LPAR1: variants seen among roughly 807,000 people sequenced by gnomAD.
LPAR1 encodes the protein lysophosphatidic acid receptor 1.
In LPAR1, 5 loss-of-function variants were observed where a neutral mutation model predicts 23.8. The ratio of observed to expected loss-of-function variants is 0.21; its 90% CI spans 0.11 to 0.44. The LOEUF (loss-of-function observed/expected upper bound fraction) is 0.44, where lower values mean the gene tolerates loss of function less well. Among genes scored for constraint, LPAR1 ranks in the 20% least tolerant of loss-of-function variants. LPAR1 has a pLI of 0.99. For missense variants in LPAR1, 311 were observed against 482.8 expected (o/e 0.64, Z 3.33); for synonymous variants, 160 against 164.7 (o/e 0.97, Z 0.22).
chr9:110,978,910 C>A (rs1222942734), intron 2 of LPAR1, among the ~76,000 whole-genome samples: 2 of 152,008 alleles, frequency 1.3e-5, no homozygotes, highest in Non-Finnish European at 2.9e-5. Flanking sequence ...TTACCAAAGG[C>A]TGGGGTGGTT....
intron 2 of LPAR1, among the ~76,000 whole-genome samples, chr9:110,998,919 C>A (rs975809928): frequency 1.3e-5 from 2 of 152,158 alleles, no homozygotes; most frequent in Non-Finnish European, 2.9e-5. Flanking sequence ...GATGTGGACA[C>A]AGGTGGGTTT....
chr9:110,986,867 A>G (rs1390818163), intron 2 of LPAR1, among the ~76,000 whole-genome samples: 3 of 152,136 alleles, frequency 2.0e-5, no homozygotes, highest in Admixed American at 1.3e-4. Flanking sequence ...ATCAAAATCA[A>G]TACTGAGTGC....
At chr9:110,946,307 T>G (rs559124355) in intron 4 of LPAR1, among the ~76,000 whole-genome samples, 1 of 152,152 alleles carries the variant, frequency 6.6e-6, no homozygotes, top group Admixed American at 6.6e-5. Context: ...AGTAATTGCC[T>G]AAAAAGAAAG....
In LPAR1 at chr9:110,992,697, C is replaced by T. The variant is rs545299002; in HGVS notation, c.-181-19139G>A. ...GGTATGTATAATACTATCTATCACT[C>T]TCAAAATAAGCCGAGTAAAATAAAC... is the stretch of plus-strand genomic sequence containing the variant. On this transcript the variant is annotated intron_variant, in intron 2 of 5. Transcript: ENST00000683809. Among the ~76,000 whole-genome samples, 17 of 152,232 alleles carry T rather than the reference C, an allele frequency of 1.1e-4. No individual in the cohort carries two copies. In the South Asian group the frequency reaches 1.2e-3, roughly 11 times the overall value.
intron 5 of LPAR1, among the ~76,000 whole-genome samples, chr9:110,898,364 T>C (rs1462329606): frequency 6.6e-6 from 1 of 152,240 alleles, no homozygotes; most frequent in Non-Finnish European, 1.5e-5. Flanking sequence ...AAGTAAAAAC[T>C]TTTTTATGTA....
At chr9:110,935,987 C>T (rs560151893) in intron 5 of LPAR1, among the ~76,000 whole-genome samples, 46 of 152,256 alleles carry the variant, frequency 3.0e-4, no homozygotes, top group Admixed American at 1.0e-3. Context: ...ATCATCATTG[C>T]TCATGAACTG....
At chr9:110,926,081 C>T (rs565735869) in intron 5 of LPAR1, among the ~76,000 whole-genome samples, 123 of 152,252 alleles carry the variant, frequency 8.1e-4, no homozygotes, top group African/African-American at 2.9e-3. Context: ...CCACTGCGCC[C>T]GGCTAATTTT....
rs73657219 is a variant in LPAR1, at chr9:110,981,367, T to C, written c.-181-7809A>G. Among the ~76,000 whole-genome samples the C allele has an allele frequency of 9.7e-3, 1,474 of 152,114 alleles. 26 individuals carry two copies. The highest frequency in any genetic ancestry group is 0.034 in the African/African-American group (1,399 of 41,520). On this transcript the variant is annotated intron_variant, in intron 2 of 5. Coordinates refer to ENST00000683809, the MANE Select transcript of LPAR1 (RefSeq NM_001351411.2). ...TATGTCATGTCTCCTTGCCTCAGAT[T>C]TCTCCTCTGTAAAATGGGTATAATA...
In LPAR1 at chr9:110,873,708, G is replaced by T. The variant is rs1021458036; in HGVS notation, c.*1713C>A. ...GCAGCCTATCGGGGTGATTCCTGGC[G>T]AATACACAGTAACCAACCACATACT... On this transcript the variant is annotated 3_prime_UTR_variant, in exon 6 of 6. Coordinates refer to ENST00000683809, the MANE Select transcript of LPAR1 (RefSeq NM_001351411.2). 6.6e-6 allele frequency: 1 copy of T among 152,152 alleles called. No homozygotes were observed. The highest frequency in any genetic ancestry group is 2.4e-5 in the African/African-American group (1 of 41,424). The allele number at this position is 152,152 out of a possible 1,614,324, so 9.4% of individuals were successfully genotyped here.
At chr9:110,905,615 A>G (rs1047799162) in intron 5 of LPAR1, among the ~76,000 whole-genome samples, 5 of 152,046 alleles carry the variant, frequency 3.3e-5, no homozygotes, top group African/African-American at 4.8e-5. Context: ...GGCCTCCCAA[A>G]GTGCTGGGAT....
At chr9:110,947,053 G>A (rs2095408979) in intron 4 of LPAR1, among the ~76,000 whole-genome samples, 1 of 152,120 alleles carries the variant, frequency 6.6e-6, no homozygotes, top group South Asian at 2.1e-4. Context: ...TGTATTACTG[G>A]AGAAAAACAG....
intron 2 of LPAR1, among the ~76,000 whole-genome samples, chr9:111,007,393 A>G (rs1248441525): frequency 6.6e-6 from 1 of 152,204 alleles, no homozygotes; most frequent in Non-Finnish European, 1.5e-5. Context: ...AAAGTTTAAA[A>G]ACGAAAATTA....
intron 2 of LPAR1, among the ~76,000 whole-genome samples, chr9:110,983,489 T>A (rs555772995): frequency 5.3e-5 from 8 of 152,086 alleles, no homozygotes; most frequent in African/African-American, 1.9e-4. Context: ...TGCCAGGGAC[T>A]GGGGGAGAGG....
intron 2 of LPAR1, among the ~76,000 whole-genome samples, chr9:110,977,962 T>C (rs551909177): frequency 6.6e-6 from 1 of 151,902 alleles, no homozygotes; most frequent in South Asian, 2.1e-4. Flanking sequence ...GAATATGCAT[T>C]GACTTCCCTA....
rs2078507223 is a variant in LPAR1 at position 110,873,329 on chromosome 9, C to T, written c.*2092G>A. 6.6e-6 allele frequency: 1 copy of T among 152,208 alleles called. No homozygotes were observed. The highest frequency in any genetic ancestry group is 2.4e-5 in the African/African-American group (1 of 41,444). 9.4% of individuals were successfully genotyped at this position (152,208 alleles called of 1,614,324 possible). On this transcript the variant is annotated 3_prime_UTR_variant, in exon 6 of 6. Transcript: ENST00000683809. ...CATTTCAAATAATCCATATAGCCTC[C>T]AGAAAAATATGCACATGTGTAAAAG...
intron 2 of LPAR1, among the ~76,000 whole-genome samples, chr9:110,999,723 A>G (rs2097094038): frequency 6.6e-6 from 1 of 152,030 alleles, no homozygotes; most frequent in African/African-American, 2.4e-5. Flanking sequence ...AACTCCTAAG[A>G]GCATGTTAGG....
rs2078635990 is a variant in LPAR1 at position 110,874,143 on chromosome 9, C to T, written c.*1278G>A. 6.6e-6 allele frequency: 1 copy of T among 152,528 alleles called. No homozygotes were observed. Among genetic ancestry groups the T allele is most frequent in the Non-Finnish European group, 1.5e-5 (1 of 68,030 alleles). 9.4% of individuals were successfully genotyped at this position (152,528 alleles called of 1,614,324 possible). A position where few individuals can be genotyped will look rare whatever the true frequency, so the allele number is the denominator to read the frequency against. On this transcript the variant is annotated 3_prime_UTR_variant, in exon 6 of 6. Coordinates refer to ENST00000683809, the MANE Select transcript of LPAR1 (RefSeq NM_001351411.2). ...AAAAGAATCCTTCATGGGAATATATCCTAATAATCAATTATATGGAGACAG... is the reference window on the plus strand; with the variant it reads ...AAAAGAATCCTTCATGGGAATATATTCTAATAATCAATTATATGGAGACAG...
intron 4 of LPAR1, among the ~76,000 whole-genome samples, chr9:110,965,484 A>G (rs1454128370): frequency 6.6e-6 from 1 of 152,212 alleles, no homozygotes; most frequent in African/African-American, 2.4e-5. Flanking sequence ...TACTTCTCAA[A>G]AGAAGACATT....
chr9:110,974,939 T>G (rs1480174398), intron 2 of LPAR1, among the ~76,000 whole-genome samples: 2 of 152,192 alleles, frequency 1.3e-5, no homozygotes, highest in African/African-American at 4.8e-5. Flanking sequence ...TTTTCCTTTC[T>G]CCTTCTCATG....
Sources: allele counts gnomAD v4.1 joint callset (sites outside exome capture counted in the v4.1 genomes callset), GRCh38; gene constraint gnomAD v4.1.1; transcripts MANE v1.5; gene names NCBI Gene and HGNC (gene_info 2026-07-23, HGNC 2026-07-21).